ELP2: variants seen among roughly 807,000 people sequenced by gnomAD.
ELP2 encodes elongator complex protein 2.
ELP2 carries 90 observed loss-of-function variants against 119.2 expected under a neutral mutation model. The observed-to-expected ratio is 0.75, with a 90% CI of 0.64 to 0.90. The LOEUF is 0.90. Ranked by LOEUF, ELP2 falls within the 40% of genes least tolerant of loss-of-function variation. The probability of loss-of-function intolerance (pLI) is 0.00; values close to 1 mark genes in which losing one functional copy is unlikely to be tolerated. For missense variants in ELP2, 921 were observed against 967.8 expected (o/e 0.95, Z 0.64); for synonymous variants, 339 against 331.0 (o/e 1.02, Z -0.26).
In ELP2 at chr18:36,174,633, G is replaced by A; in HGVS notation, c.2473G>A (p.Ala825Thr). ...TVKIHRVNKCAL is the reference protein window; with the variant it reads ...TVKIHRVNKCTL ...GAAGATACACAGAGTCAATAAATGT[G>A]CACTGTAATGGACTTAATAACTACA... The change falls in exon 22 of 22, where the codon GCA becomes ACA. Residue 825 changes from alanine to threonine, a missense_variant. Physicochemically the swap from Ala to Thr is moderately conservative, Grantham distance 58 (BLOSUM62 0). Transcript: ENST00000358232. 6.2e-7 allele frequency: 1 copy of A among 1,613,992 alleles called. No individual in the cohort carries two copies. Among genetic ancestry groups the A allele is most frequent in the Non-Finnish European group, 8.5e-7 (1 of 1,179,942 alleles).
chr18:36,155,827 T>C (rs1445607444), intron 12 of ELP2, among the ~76,000 whole-genome samples: 3 of 152,240 alleles, frequency 2.0e-5, no homozygotes, highest in African/African-American at 7.2e-5. Flanking sequence ...TGAAGTCATA[T>C]AGTATTAGAT....
intron 19 of ELP2, among the ~76,000 whole-genome samples, chr18:36,167,552 A>G (rs1462797532): frequency 1.3e-5 from 2 of 152,206 alleles, no homozygotes; most frequent in African/African-American, 2.4e-5. Flanking sequence ...GAATAAGGGA[A>G]AAACTATTTT....
intron 11 of ELP2, 31 bp downstream of exon 11, chr18:36,146,412 C>T: frequency 6.2e-7 from 1 of 1,608,678 alleles, no homozygotes; most frequent in Non-Finnish European, 8.5e-7. Flanking sequence ...TAAAGCATTT[C>T]TAATCAAATA....
intron 16 of ELP2, among the ~76,000 whole-genome samples, 163 bp downstream of exon 16, chr18:36,160,178 C>G (rs1159848854): frequency 4.6e-5 from 7 of 151,960 alleles, no homozygotes; most frequent in Admixed American, 4.6e-4. Flanking sequence ...GAGAATTAAA[C>G]CTTAACGTTT....
rs563319396 is a variant in ELP2, at chr18:36,148,318, C to T, written c.1125+1937C>T. Among the ~76,000 whole-genome samples the T allele has an allele frequency of 2.8e-4, 42 of 152,196 alleles. No homozygotes were observed. In the South Asian group the frequency reaches 8.7e-3, roughly 32 times the overall value. On this transcript the variant is annotated intron_variant, in intron 11 of 21. Coordinates refer to ENST00000358232, the MANE Select transcript of ELP2 (RefSeq NM_018255.4). ...TGGTTTTAGCACCTCGTGATCTGCC[C>T]ACCTCGGCCTCCCAGAGTGCTGAGA...
intron 11 of ELP2, among the ~76,000 whole-genome samples, chr18:36,146,827 C>A (rs1598767646): frequency 1.3e-5 from 2 of 151,916 alleles, no homozygotes; most frequent in East Asian, 1.9e-4. Context: ...AAGAATAAGA[C>A]CCGTCTCCAA....
intron 9 of ELP2, among the ~76,000 whole-genome samples, chr18:36,145,530 T>C (rs556403578): frequency 6.6e-6 from 1 of 152,312 alleles, no homozygotes; most frequent in African/African-American, 2.4e-5. Context: ...CTCACATTCT[T>C]CCCTGGCCTC....
chr18:36,166,153 A>G (rs1162812878), intron 18 of ELP2, among the ~76,000 whole-genome samples: 1 of 151,788 alleles, frequency 6.6e-6, no homozygotes, highest in African/African-American at 2.4e-5. Flanking sequence ...AGATCCCACC[A>G]CGGCACTCCA....
intron 11 of ELP2, among the ~76,000 whole-genome samples, chr18:36,153,441 C>T (rs756368552): frequency 6.6e-6 from 1 of 152,186 alleles, no homozygotes; most frequent in African/African-American, 2.4e-5. Context: ...CTCTCTCTTA[C>T]ACCACAGCAA....
intron 20 of ELP2, 68 bp from the exon 21 acceptor site, chr18:36,170,968 AAGAACTACTTT>A: frequency 9.7e-7 from 1 of 1,029,656 alleles, no homozygotes; most frequent in Non-Finnish European, 1.5e-6. Context: ...GGACACTGTG[AAGAACTACTTT>A]AGAGCAATGA....
At chr18:36,151,357 A>G (rs1168700687) in intron 11 of ELP2, among the ~76,000 whole-genome samples, 4 of 151,918 alleles carry the variant, frequency 2.6e-5, no homozygotes, top group Admixed American at 2.0e-4. Flanking sequence ...TGCTGAGATT[A>G]TAGGTGTGAG....
At position 36,142,277 on chromosome 18, in the gene ELP2, C is replaced by T; in HGVS notation, c.589-4C>T. 6.2e-7 allele frequency: 1 copy of T among 1,612,608 alleles called. No homozygotes were observed. Among genetic ancestry groups the T allele is most frequent in the East Asian group, 2.2e-5 (1 of 44,812 alleles). On this transcript the variant is annotated splice_polypyrimidine_tract_variant and splice_region_variant and intron_variant, in intron 6 of 21. Transcript: ENST00000358232. ...ATCAAGCCCAATGATTTTTATCTTA[C>T]TAGTTTCAGAAAGTGCTTTCTCTCT...
chr18:36,143,522 G>C (rs575942313), intron 8 of ELP2, among the ~76,000 whole-genome samples: 3 of 147,934 alleles, frequency 2.0e-5, no homozygotes, highest in East Asian at 4.1e-4. Context: ...AAGTGGCTTA[G>C]CTTCCTGAGT....
At chr18:36,167,312 C>A in intron 19 of ELP2, 90 bp downstream of exon 19, 1 of 993,898 alleles carries the variant, frequency 1.0e-6, no homozygotes, top group Non-Finnish European at 1.4e-6. Flanking sequence ...TCCTGCCTTT[C>A]TGTTACAGCT....
intron 11 of ELP2, 78 bp downstream of exon 11, chr18:36,146,459 A>C (rs2090206321): frequency 6.7e-7 from 1 of 1,500,776 alleles, no homozygotes; most frequent in South Asian, 1.1e-5. Context: ...TGCTTATAAC[A>C]CTCTACAGAA....
At chr18:36,161,350 G>A (rs969911897) in intron 17 of ELP2, among the ~76,000 whole-genome samples, 1 of 151,960 alleles carries the variant, frequency 6.6e-6, no homozygotes, top group African/African-American at 2.4e-5. Context: ...TCAAGATCGC[G>A]CCACTGCACT....
chr18:36,180,011 A>G lies in ELP2; in HGVS notation c.*5370A>G, dbSNP rs2091301247. Reference sequence around the variant, plus strand: ...AATTGTAAAATTTTCTTTCTGGTTTACGCAAGTTAAAAGTTTATTTCTCTC... The same window carrying G: ...AATTGTAAAATTTTCTTTCTGGTTTGCGCAAGTTAAAAGTTTATTTCTCTC... On this transcript the variant is annotated 3_prime_UTR_variant, in exon 22 of 22. Transcript: ENST00000358232. 1 of 152,248 alleles carries G rather than the reference A, an allele frequency of 6.6e-6. No homozygotes were observed. The highest frequency in any genetic ancestry group is 2.1e-4 in the South Asian group (1 of 4,834). 9.4% of individuals were successfully genotyped at this position (152,248 alleles called of 1,614,324 possible).
In ELP2 at chr18:36,148,118, G is replaced by T. The variant is rs557854219; in HGVS notation, c.1125+1737G>T. The stretch of plus-strand genomic sequence containing the variant: ...TTTTTGTTTTTTTTTTTTTGAGATG[G>T]AGTCTCACTCTGTCACCCAGGCTGG... On this transcript the variant is annotated intron_variant, in intron 11 of 21. Transcript: ENST00000358232. Among the ~76,000 whole-genome samples, 3 of 148,708 alleles carry T rather than the reference G, an allele frequency of 2.0e-5. No homozygotes were observed. The South Asian group carries it at 6.4e-4, about 32-fold the overall frequency.
In ELP2 at chr18:36,177,986, G is replaced by A. The variant is rs2091263441; in HGVS notation, c.*3345G>A. The A allele has an allele frequency of 1.3e-5, 2 of 152,144 alleles. No homozygotes were observed. Among genetic ancestry groups the A allele is most frequent in the African/African-American group, 4.8e-5 (2 of 41,416 alleles). The allele number at this position is 152,144 out of a possible 1,614,324, so 9.4% of individuals were successfully genotyped here. ...TTTCTGCATGCTGGGAGTTTTTTTG[G>A]TAACAACGTGTTGGGGAAAATGGCC... On this transcript the variant is annotated 3_prime_UTR_variant, in exon 22 of 22. Coordinates refer to ENST00000358232, the MANE Select transcript of ELP2 (RefSeq NM_018255.4).
Sources: gnomAD v4.1 joint callset for allele counts (sites outside exome capture counted in the v4.1 genomes callset) on GRCh38, gnomAD v4.1.1 for gene constraint, MANE v1.5 for transcripts, NCBI Gene and HGNC (gene_info 2026-07-23, HGNC 2026-07-21) for gene names.